Variants in MYO1D observed in about 807,000 individuals in gnomAD.
MYO1D encodes myosin ID.
A neutral mutation model predicts 122.0 loss-of-function variants in MYO1D; 83 were observed. The ratio of observed to expected loss-of-function variants is 0.68; its 90% CI spans 0.57 to 0.82. MYO1D has a LOEUF of 0.82. Among genes scored for constraint, MYO1D ranks in the 40% least tolerant of loss-of-function variants. The pLI is 0.00. For synonymous variants in MYO1D, 464 were observed against 446.9 expected (o/e 1.04, Z -0.48); for missense variants, 1,157 against 1,269.5 (o/e 0.91, Z 1.35).
In MYO1D at chr17:32,765,047, G is replaced by C; in HGVS notation, c.866C>G (p.Pro289Arg). The change falls in exon 8 of 22, where the codon CCT becomes CGT. Residue 289 changes from proline to arginine, a missense_variant. Physicochemically the swap from Pro to Arg is moderately radical, Grantham distance 103 (BLOSUM62 -2). Transcript: ENST00000318217. Reference sequence around the variant, plus strand: ...TACTACTTTGCCATTCTCAATAAGAGGCGTGTCACCATCTACTACAAATTT... The same window carrying C: ...TACTACTTTGCCATTCTCAATAAGACGCGTGTCACCATCTACTACAAATTT... ...NLKFVVDGDT[P>R]LIENGKVVSI... The C allele has an allele frequency of 6.2e-7, 1 of 1,613,676 alleles. No individual in the cohort carries two copies. The highest frequency in any genetic ancestry group is 1.3e-5 in the African/African-American group (1 of 74,994).
At chr17:32,679,372 CT>C (rs1311525749) in intron 16 of MYO1D, among the ~76,000 whole-genome samples, 1 of 151,988 alleles carries the variant, frequency 6.6e-6, no homozygotes, top group Non-Finnish European at 1.5e-5. Context: ...AGGTTTTCTT[CT>C]AGGGTTTTTA....
chr17:32,819,418 TC>T (rs1378147742), intron 1 of MYO1D, among the ~76,000 whole-genome samples: 1 of 152,174 alleles, frequency 6.6e-6, no homozygotes, highest in African/African-American at 2.4e-5. Context: ...ACTCAACAGT[TC>T]CCTCTGCTTT....
chr17:32,503,138 C>T (rs1310957392), intron 21 of MYO1D, among the ~76,000 whole-genome samples: 1 of 152,222 alleles, frequency 6.6e-6, no homozygotes, highest in Non-Finnish European at 1.5e-5. Context: ...ATGGAATGAA[C>T]AAACATGTTC....
intron 16 of MYO1D, among the ~76,000 whole-genome samples, chr17:32,660,936 CCTA>C (rs2088556542): frequency 6.6e-6 from 1 of 152,110 alleles, no homozygotes; most frequent in African/African-American, 2.4e-5. Flanking sequence ...TTTTAAGTTT[CCTA>C]CTGTTTGTTG....
chr17:32,568,752 TG>T (rs764462871), intron 21 of MYO1D, among the ~76,000 whole-genome samples: 5 of 152,250 alleles, frequency 3.3e-5, no homozygotes, highest in Non-Finnish European at 5.9e-5. Context: ...GAGAGGGATC[TG>T]CCCTTTCCGT....
At chr17:32,777,718 G>A (rs371558154) in intron 3 of MYO1D, among the ~76,000 whole-genome samples, 4 of 152,016 alleles carry the variant, frequency 2.6e-5, no homozygotes, top group African/African-American at 9.7e-5. Context: ...GACCGAGGCG[G>A]ACGGGTCACG....
chr17:32,536,247 C>T (rs146726494), intron 21 of MYO1D, among the ~76,000 whole-genome samples: 147 of 152,228 alleles, frequency 9.7e-4, no homozygotes, highest in African/African-American at 3.2e-3. Context: ...GTTGGCCAGG[C>T]TGGTCTCGAA....
intron 7 of MYO1D, 51 bp from the exon 8 acceptor site, chr17:32,765,132 T>TA: frequency 6.9e-7 from 1 of 1,459,676 alleles, no homozygotes; most frequent in Middle Eastern, 2.3e-4. Context: ...ATGTCAAGGA[T>TA]ATATTTGCCA....
chr17:32,822,471 G>T (rs1474199918), intron 1 of MYO1D, among the ~76,000 whole-genome samples: 8 of 149,594 alleles, frequency 5.3e-5, no homozygotes, highest in Admixed American at 6.7e-5. Context: ...GGCAGTGGTG[G>T]GGGGCGGGGG....
chr17:32,629,964 G>C (rs555657006), intron 20 of MYO1D, among the ~76,000 whole-genome samples: 1 of 152,300 alleles, frequency 6.6e-6, no homozygotes, highest in South Asian at 2.1e-4. Flanking sequence ...ACAGTGGATG[G>C]TGCAAGCCAG....
chr17:32,657,556 G>A (rs1480136761), intron 17 of MYO1D, among the ~76,000 whole-genome samples: 2 of 152,242 alleles, frequency 1.3e-5, no homozygotes, highest in Non-Finnish European at 2.9e-5. Context: ...AAGATTCAGT[G>A]TGTGTGCGCG....
chr17:32,568,186 CAAAA>C (rs386385913), intron 21 of MYO1D, among the ~76,000 whole-genome samples: 1 of 124,346 alleles, frequency 8.0e-6, no homozygotes. Flanking sequence ...TGCGTTATTA[CAAAA>C]AAAAAAAAAA....
chr17:32,591,646 A>C (rs903960483), intron 21 of MYO1D, among the ~76,000 whole-genome samples: 2 of 150,880 alleles, frequency 1.3e-5, no homozygotes, highest in Non-Finnish European at 2.9e-5. Context: ...CAAAAACACA[A>C]ATCTTTGGTG....
rs4284695 is a variant in MYO1D, at chr17:32,867,761, T to C, written c.95+9017A>G. ...GCAGTGAGCCGAGAGATCATGCCAC[T>C]GCACTCCAGCCTGGGCGACAGAGCA... On this transcript the variant is annotated intron_variant, in intron 1 of 21. Coordinates refer to ENST00000318217, the MANE Select transcript of MYO1D (RefSeq NM_015194.3). Among the ~76,000 whole-genome samples, 631 of 125,348 alleles carry C rather than the reference T, an allele frequency of 5.0e-3. 41 individuals are homozygous for C. The East Asian group carries it at 0.13, about 25-fold the overall frequency. 82.2% of individuals were successfully genotyped at this position (125,348 alleles called of 152,430 possible). A position where few individuals can be genotyped will look rare whatever the true frequency, so the allele number is the denominator to read the frequency against.
chr17:32,496,166 A>T (rs1909101816), intron 21 of MYO1D: 1 of 152,278 alleles, frequency 6.6e-6, no homozygotes, highest in Non-Finnish European at 1.5e-5. Flanking sequence ...AAGGGCTCCG[A>T]CGTGCGGTGG....
chr17:32,798,170 GT>G (rs2090434133), intron 1 of MYO1D, among the ~76,000 whole-genome samples: 1 of 152,176 alleles, frequency 6.6e-6, no homozygotes, highest in Admixed American at 6.5e-5. Context: ...TTTGACTATT[GT>G]TTTTGTTGGG....
At chr17:32,780,541 T>C in intron 2 of MYO1D, 35 bp downstream of exon 2, 3 of 1,593,224 alleles carry the variant, frequency 1.9e-6, no homozygotes, top group Non-Finnish European at 2.6e-6. Context: ...AAACACATTG[T>C]GACTTTGGAA....
intron 1 of MYO1D, among the ~76,000 whole-genome samples, chr17:32,784,148 T>C (rs73281887): frequency 0.049 from 7,431 of 152,204 alleles, 585 homozygotes; most frequent in African/African-American, 0.17. Context: ...GCCTCCGGGT[T>C]TCTGTTGACT....
rs11323072 is a variant in MYO1D at position 32,524,564 on chromosome 17, C to CTT, written c.2865-29651_2865-29650dup. Among the ~76,000 whole-genome samples the CTT allele has an allele frequency of 4.8e-3, 568 of 119,246 alleles. 10 individuals are homozygous for CTT. Among genetic ancestry groups the CTT allele is most frequent in the Non-Finnish European group, 6.2e-3 (364 of 58,644 alleles). The allele number at this position is 119,246 out of a possible 152,430, so 78.2% of individuals were successfully genotyped here. A position where few individuals can be genotyped will look rare whatever the true frequency, so the allele number is the denominator to read the frequency against. Reference sequence around the variant, plus strand: ...TGGGTGCCATCATGCCTGATTAATTCTTTTTTTTTTTTTTTTTTTGAGACA... The same window carrying CTT: ...TGGGTGCCATCATGCCTGATTAATTCTTTTTTTTTTTTTTTTTTTTTGAGACA... On this transcript the variant is annotated intron_variant, in intron 21 of 21. Coordinates refer to ENST00000318217, the MANE Select transcript of MYO1D (RefSeq NM_015194.3).
Sources: allele counts gnomAD v4.1 joint callset (sites outside exome capture counted in the v4.1 genomes callset), GRCh38; gene constraint gnomAD v4.1.1; transcripts MANE v1.5; gene names NCBI Gene and HGNC (gene_info 2026-07-23, HGNC 2026-07-21).